PTPRM: variants seen among roughly 807,000 people sequenced by gnomAD.
PTPRM encodes protein tyrosine phosphatase receptor type M, also known as receptor-type tyrosine-protein phosphatase mu.
In PTPRM, 47 loss-of-function variants were observed where a neutral mutation model predicts 186.7. That is an observed-to-expected ratio of 0.25 (90% CI 0.20 to 0.32). PTPRM has a LOEUF of 0.32. PTPRM is among the 10% of genes least tolerant of loss of function. The pLI is 1.00. For missense variants in PTPRM, 1,494 were observed against 1,865.0 expected (o/e 0.80, Z 3.66); for synonymous variants, 668 against 674.9 (o/e 0.99, Z 0.16).
At chr18:7,925,803 A>G (rs1270559649) in intron 4 of PTPRM, among the ~76,000 whole-genome samples, 1 of 152,248 alleles carries the variant, frequency 6.6e-6, no homozygotes, top group Non-Finnish European at 1.5e-5. Context: ...GTCCTGACTT[A>G]CCGTCCTGGT....
chr18:7,998,197 G>T (rs563865391), intron 7 of PTPRM, among the ~76,000 whole-genome samples: 1 of 152,138 alleles, frequency 6.6e-6, no homozygotes, highest in Admixed American at 6.5e-5. Flanking sequence ...ATATTATTCT[G>T]CCATTAAAAA....
intron 13 of PTPRM, among the ~76,000 whole-genome samples, chr18:8,132,812 G>A (rs1466459608): frequency 1.3e-5 from 2 of 152,082 alleles, no homozygotes; most frequent in Non-Finnish European, 2.9e-5. Context: ...ATAACGTTTT[G>A]CCACTAGTAT....
intron 2 of PTPRM, among the ~76,000 whole-genome samples, chr18:7,803,102 G>A (rs374037575): frequency 6.6e-6 from 1 of 152,148 alleles, no homozygotes; most frequent in African/African-American, 2.4e-5. Context: ...AAGGAAGAAT[G>A]TTCTAGATAA....
intron 14 of PTPRM, among the ~76,000 whole-genome samples, chr18:8,211,377 CTTTTTTTTT>C (rs970926126): frequency 1.1e-5 from 1 of 87,232 alleles, no homozygotes; most frequent in Non-Finnish European, 2.1e-5. Flanking sequence ...GTCTCTTCTT[CTTTTTTTTT>C]TTTTTTTTTT....
chr18:8,235,969 T>G (rs576255950), intron 14 of PTPRM, among the ~76,000 whole-genome samples: 14 of 152,322 alleles, frequency 9.2e-5, no homozygotes, highest in African/African-American at 3.1e-4. Flanking sequence ...TTTAATTTGT[T>G]AAGCTGTGTT....
chr18:8,046,599 C>G (rs1323943279), intron 7 of PTPRM, among the ~76,000 whole-genome samples: 1 of 152,112 alleles, frequency 6.6e-6, no homozygotes, highest in Non-Finnish European at 1.5e-5. Context: ...AGCCCCTCCC[C>G]AGGGCCCCAG....
chr18:8,359,686 C>T (rs776196626), intron 23 of PTPRM, among the ~76,000 whole-genome samples: 1 of 152,196 alleles, frequency 6.6e-6, no homozygotes, highest in Non-Finnish European at 1.5e-5. Flanking sequence ...CACCTGGGAC[C>T]GATGCATCAC....
chr18:8,292,981 T>A (rs927184238), intron 19 of PTPRM, among the ~76,000 whole-genome samples: 12 of 152,186 alleles, frequency 7.9e-5, no homozygotes, highest in Admixed American at 2.6e-4. Flanking sequence ...ACTTCGGATC[T>A]AGGTTGTGTT....
intron 14 of PTPRM, among the ~76,000 whole-genome samples, chr18:8,225,949 A>G (rs2094208598): frequency 6.6e-6 from 1 of 152,208 alleles, no homozygotes; most frequent in African/African-American, 2.4e-5. Flanking sequence ...AAACAATAAC[A>G]ACCCAATAGA....
intron 5 of PTPRM, among the ~76,000 whole-genome samples, chr18:7,942,240 G>A (rs2052222461): frequency 6.7e-6 from 1 of 150,218 alleles, no homozygotes; most frequent in Admixed American, 6.6e-5. Context: ...CCAAGATCGA[G>A]CTGCTGCATT....
intron 2 of PTPRM, among the ~76,000 whole-genome samples, chr18:7,849,086 G>C (rs889865355): frequency 2.6e-5 from 4 of 152,110 alleles, no homozygotes; most frequent in Non-Finnish European, 5.9e-5. Flanking sequence ...GATGGCATCT[G>C]CCTCGTTAAT....
At chr18:7,686,180 G>A (rs1459079445) in intron 1 of PTPRM, among the ~76,000 whole-genome samples, 2 of 152,258 alleles carry the variant, frequency 1.3e-5, no homozygotes, top group Non-Finnish European at 2.9e-5. Context: ...CATGGGACAA[G>A]GATCTCCCAG....
At chr18:8,308,989 ATGTT>A (rs1265204301) in intron 20 of PTPRM, among the ~76,000 whole-genome samples, 5 of 152,160 alleles carry the variant, frequency 3.3e-5, no homozygotes, top group African/African-American at 1.2e-4. Context: ...TTGTTCAACT[ATGTT>A]TGTATGATTT....
chr18:7,938,437 A>C (rs1013502454), intron 5 of PTPRM, among the ~76,000 whole-genome samples: 10 of 152,298 alleles, frequency 6.6e-5, no homozygotes, highest in African/African-American at 1.9e-4. Context: ...AGAGTGCTAT[A>C]AATACAGTTT....
rs959641242 is a variant in PTPRM at position 7,627,218 on chromosome 18, G to A, written c.73+59327G>A. Reference sequence around the variant, plus strand: ...AACCAGCCACCCTGTCATTACTCTGGGTGGGACAATTTCCCTTTTCAATTT... The same window carrying A: ...AACCAGCCACCCTGTCATTACTCTGAGTGGGACAATTTCCCTTTTCAATTT... On this transcript the variant is annotated intron_variant, in intron 1 of 32. Coordinates refer to ENST00000580170, the MANE Select transcript of PTPRM (RefSeq NM_001105244.2). 3.9e-5 allele frequency among the ~76,000 whole-genome samples: 6 copies of A among 152,120 alleles called. No individual in the cohort carries two copies. The South Asian group carries it at 1.2e-3, about 31-fold the overall frequency.
rs773848736 is a variant in PTPRM at position 7,731,162 on chromosome 18, G to A, written c.74-42987G>A. Among the ~76,000 whole-genome samples the A allele has an allele frequency of 3.2e-4, 49 of 152,172 alleles. 1 individual carries two copies. The highest frequency in any genetic ancestry group is 1.3e-4 in the Admixed American group (2 of 15,280). ...AAAGAGAACAGCACTTCTTCATCAA[G>A]TTGTTGCTCTCTGTTTATCAATTTA... On this transcript the variant is annotated intron_variant, in intron 1 of 32. Coordinates refer to ENST00000580170, the MANE Select transcript of PTPRM (RefSeq NM_001105244.2).
intron 25 of PTPRM, 100 bp downstream of exon 25, chr18:8,376,300 G>A (rs1329130372): frequency 7.1e-6 from 11 of 1,539,338 alleles, no homozygotes; most frequent in South Asian, 2.4e-5. Flanking sequence ...TCAGAGGGGT[G>A]ATGATTGCAC....
intron 7 of PTPRM, 122 bp from the exon 8 acceptor site, chr18:8,069,564 A>T (rs2089328301): frequency 1.2e-6 from 1 of 855,452 alleles, no homozygotes; most frequent in Non-Finnish European, 1.8e-6. Flanking sequence ...GGGATTTATT[A>T]TCCAGGAAGA....
At chr18:7,722,405 A>G (rs1317702124) in intron 1 of PTPRM, among the ~76,000 whole-genome samples, 1 of 152,222 alleles carries the variant, frequency 6.6e-6, no homozygotes, top group Non-Finnish European at 1.5e-5. Context: ...TTTGGTAAAT[A>G]TGAAGTAGGA....
Sources: gnomAD v4.1 joint callset for allele counts (sites outside exome capture counted in the v4.1 genomes callset) on GRCh38, gnomAD v4.1.1 for gene constraint, MANE v1.5 for transcripts, NCBI Gene and HGNC (gene_info 2026-07-23, HGNC 2026-07-21) for gene names.